FMNL2: variants seen among roughly 807,000 people sequenced by gnomAD.
FMNL2 encodes formin-like protein 2.
A neutral mutation model predicts 130.2 loss-of-function variants in FMNL2; 51 were observed. That is an observed-to-expected ratio of 0.39 (90% CI 0.31 to 0.49). The LOEUF is 0.49. Ranked by LOEUF, FMNL2 falls within the 20% of genes least tolerant of loss-of-function variation. The pLI is 0.85. For synonymous variants in FMNL2, 465 were observed against 467.1 expected, an observed-to-expected ratio of 1.00 and a Z score of 0.06; for missense variants, 977 against 1,316.2, an observed-to-expected ratio of 0.74 and a Z score of 3.99.
chr2:152,390,357 G>T (rs986059175), intron 1 of FMNL2: 5 of 1,098,528 alleles, frequency 4.6e-6, no homozygotes, highest in Non-Finnish European at 5.6e-6. Flanking sequence ...GGATGGCAAG[G>T]TGGTGACTGT....
intron 9 of FMNL2, among the ~76,000 whole-genome samples, chr2:152,589,772 G>T (rs1697283244): frequency 6.6e-6 from 1 of 151,514 alleles, no homozygotes; most frequent in South Asian, 2.1e-4. Flanking sequence ...TTTATTTCGT[G>T]AAAGGCCTAT....
intron 11 of FMNL2, 57 bp downstream of exon 11, chr2:152,611,662 C>T (rs527248559): frequency 1.8e-6 from 2 of 1,130,718 alleles, no homozygotes; most frequent in East Asian, 2.5e-5. Context: ...TATTGCCTGC[C>T]CTCAAAGGTA....
chr2:152,372,531 T>C (rs1242970464), intron 1 of FMNL2, among the ~76,000 whole-genome samples: 2 of 152,206 alleles, frequency 1.3e-5, no homozygotes, highest in Non-Finnish European at 1.5e-5. Context: ...GTGATGCATC[T>C]TCATCTCACC....
At chr2:152,639,400 A>G (rs1682895645) in intron 23 of FMNL2, among the ~76,000 whole-genome samples, 1 of 152,220 alleles carries the variant, frequency 6.6e-6, no homozygotes, top group Non-Finnish European at 1.5e-5. Flanking sequence ...TTCAAAAGAA[A>G]GAGTGCCCAA....
chr2:152,639,586 A>C (rs1682909487), intron 23 of FMNL2, among the ~76,000 whole-genome samples: 1 of 152,182 alleles, frequency 6.6e-6, no homozygotes, highest in African/African-American at 2.4e-5. Flanking sequence ...AGAATCTTAG[A>C]TCCTGCTATC....
intron 25 of FMNL2, among the ~76,000 whole-genome samples, chr2:152,646,329 C>T (rs1251744432): frequency 1.8e-5 from 1 of 55,604 alleles, no homozygotes; most frequent in African/African-American, 5.5e-5. Flanking sequence ...GTCCTCCCCT[C>T]ACAACCCCCG....
chr2:152,647,226 T>C (rs1683667078), intron 25 of FMNL2, among the ~76,000 whole-genome samples: 2 of 152,214 alleles, frequency 1.3e-5, no homozygotes, highest in Non-Finnish European at 2.9e-5. Context: ...GAATAGATTA[T>C]TATTTTGGTT....
chr2:152,548,362 A>G (rs1694761149), intron 3 of FMNL2, among the ~76,000 whole-genome samples: 1 of 152,172 alleles, frequency 6.6e-6, no homozygotes, highest in Non-Finnish European at 1.5e-5. Context: ...ATTTCCTGAT[A>G]AGACTGTTTC....
chr2:152,577,815 T>C (rs1301488592), intron 7 of FMNL2, among the ~76,000 whole-genome samples: 1 of 151,988 alleles, frequency 6.6e-6, no homozygotes. Context: ...ATTGGAGTGG[T>C]TTCAAGAATG....
chr2:152,457,710 A>G (rs1233899453), intron 1 of FMNL2, among the ~76,000 whole-genome samples: 1 of 152,248 alleles, frequency 6.6e-6, no homozygotes, highest in African/African-American at 2.4e-5. Context: ...CAGATTTATC[A>G]TTTTATAGTT....
At chr2:152,589,339 AC>A (rs1203021250) in intron 9 of FMNL2, among the ~76,000 whole-genome samples, 5 of 146,032 alleles carry the variant, frequency 3.4e-5, no homozygotes, top group Admixed American at 2.7e-4. Context: ...ACAAAAAAAA[AC>A]CCAGGGTGTT....
intron 23 of FMNL2, among the ~76,000 whole-genome samples, chr2:152,638,565 A>C (rs1682816630): frequency 6.6e-6 from 1 of 152,350 alleles, no homozygotes. Flanking sequence ...CAGAAAGTCA[A>C]AATATTCTTA....
At chr2:152,479,927 T>TA (rs1388900434) in intron 1 of FMNL2, among the ~76,000 whole-genome samples, 2 of 152,088 alleles carry the variant, frequency 1.3e-5, no homozygotes, top group African/African-American at 2.4e-5. Context: ...CCATGTGACT[T>TA]ACGTTGCATG....
rs12991203 is a variant in FMNL2 at position 152,423,198 on chromosome 2, T to C, written c.117+87478T>C. ...TGTTAAAAACAATCCAGTTATATTATTTAATTTTAATCAAACAATATAGCA... is the reference window on the plus strand; with the variant it reads ...TGTTAAAAACAATCCAGTTATATTACTTAATTTTAATCAAACAATATAGCA... On this transcript the variant is annotated intron_variant, in intron 1 of 25. Coordinates refer to ENST00000288670, the MANE Select transcript of FMNL2 (RefSeq NM_052905.4). Among the ~76,000 whole-genome samples, 268 of 152,346 alleles carry C rather than the reference T, an allele frequency of 1.8e-3. 1 individual carries two copies. The highest frequency in any genetic ancestry group is 0.01 in the Middle Eastern group (3 of 294).
At position 152,619,564 on chromosome 2, in the gene FMNL2, A is replaced by ACCCCCCCCCCCCCCCCCCCCCCCCCCC; in HGVS notation, c.1685_1686insCCCCCCCCCCCCCCCCCCCCCCCCCCC (p.Pro565_Pro573dup). ...CACCGCCGCCGCCGCCCCCTCCTCCACCTCCTCCTCCCCCACCGCCCCCTC... is the reference window on the plus strand; with the variant it reads ...CACCGCCGCCGCCGCCCCCTCCTCCACCCCCCCCCCCCCCCCCCCCCCCCCCCCCTCCTCCTCCCCCACCGCCCCCTC... On this transcript the variant is annotated inframe_insertion, in exon 15 of 26. Transcript: ENST00000288670. 1 of 709,536 alleles carries ACCCCCCCCCCCCCCCCCCCCCCCCCCC rather than the reference A, an allele frequency of 1.4e-6. No individual in the cohort carries two copies. Among genetic ancestry groups the ACCCCCCCCCCCCCCCCCCCCCCCCCCC allele is most frequent in the Non-Finnish European group, 1.9e-6 (1 of 536,744 alleles). The allele number at this position is 709,536 out of a possible 1,614,324, so 44.0% of individuals were successfully genotyped here.
At chr2:152,350,631 C>T (rs777818092) in intron 1 of FMNL2, among the ~76,000 whole-genome samples, 3 of 152,180 alleles carry the variant, frequency 2.0e-5, no homozygotes, top group Non-Finnish European at 2.9e-5. Context: ...CAAGGTATTA[C>T]GGAAGAGAAT....
Position 152,611,477 on chromosome 2 carries a change from T to G in FMNL2, c.952-18T>G. ...AAAAGTTTGGAGCCCATCTAACCCC[T>G]TGACAATTTCATTTCAGGTGGCTTC... On this transcript the variant is annotated intron_variant, in intron 10 of 25. Transcript: ENST00000288670. 3 of 1,513,158 alleles carry G rather than the reference T, an allele frequency of 2.0e-6. No homozygotes were observed. Among genetic ancestry groups the G allele is most frequent in the South Asian group, 1.2e-5 (1 of 84,046 alleles). 93.7% of individuals were successfully genotyped at this position (1,513,158 alleles called of 1,614,324 possible). A position where few individuals can be genotyped will look rare whatever the true frequency, so the allele number is the denominator to read the frequency against.
At chr2:152,537,346 A>G (rs1303170834) in intron 2 of FMNL2, among the ~76,000 whole-genome samples, 1 of 152,204 alleles carries the variant, frequency 6.6e-6, no homozygotes, top group Non-Finnish European at 1.5e-5. Flanking sequence ...CAAGGCAGGT[A>G]TGTGTATAGG....
At chr2:152,584,355 C>T (rs375024651) in intron 9 of FMNL2, among the ~76,000 whole-genome samples, 8 of 152,112 alleles carry the variant, frequency 5.3e-5, no homozygotes, top group South Asian at 2.1e-4. Flanking sequence ...TCTTTGCCTT[C>T]GAGAAGATTG....
Sources: allele counts gnomAD v4.1 joint callset (sites outside exome capture counted in the v4.1 genomes callset), GRCh38; gene constraint gnomAD v4.1.1; transcripts MANE v1.5; gene names NCBI Gene and HGNC (gene_info 2026-07-23, HGNC 2026-07-21).